Variants in GRID2 observed in about 807,000 individuals in gnomAD.
GRID2 encodes the protein glutamate receptor ionotropic, delta-2.
A neutral mutation model predicts 114.8 loss-of-function variants in GRID2; 33 were observed. The ratio of observed to expected loss-of-function variants is 0.29; its 90% confidence interval spans 0.22 to 0.38. The LOEUF is 0.38. Among genes scored for constraint, GRID2 ranks in the 10% least tolerant of loss-of-function variants. GRID2 has a pLI of 1.00. For synonymous variants in GRID2, 505 were observed against 449.9 expected (o/e 1.12, Z -1.55); for missense variants, 1,184 against 1,257.7 (o/e 0.94, Z 0.89).
At chr4:92,420,554 T>C (rs913083440) in intron 1 of GRID2, among the ~76,000 whole-genome samples, 1 of 152,132 alleles carries the variant, frequency 6.6e-6, no homozygotes, top group Non-Finnish European at 1.5e-5. Context: ...TGATTTGTCT[T>C]CTCCTAATTT....
At chr4:92,341,721 G>A (rs1727498399) in intron 1 of GRID2, among the ~76,000 whole-genome samples, 1 of 151,982 alleles carries the variant, frequency 6.6e-6, no homozygotes, top group Non-Finnish European at 1.5e-5. Flanking sequence ...GACCATCCTG[G>A]CTAACGCACG....
intron 10 of GRID2, among the ~76,000 whole-genome samples, chr4:93,425,181 A>G (rs1211528138): frequency 2.0e-5 from 3 of 152,048 alleles, no homozygotes; most frequent in Non-Finnish European, 4.4e-5. Context: ...GGTTCCTCAC[A>G]TTTCTGGTTA....
chr4:93,366,362 C>T (rs1230790193), intron 8 of GRID2, among the ~76,000 whole-genome samples: 1 of 152,030 alleles, frequency 6.6e-6, no homozygotes. Flanking sequence ...GTCGAGACTG[C>T]AGAGGTGAGA....
chr4:92,816,261 G>A (rs1383982700), intron 2 of GRID2, among the ~76,000 whole-genome samples: 2 of 143,364 alleles, frequency 1.4e-5, no homozygotes, highest in East Asian at 4.2e-4. Context: ...TATGTGGTGA[G>A]CTGAAATCGC....
At chr4:92,759,674 G>C (rs1295138488) in intron 2 of GRID2, among the ~76,000 whole-genome samples, 1 of 151,916 alleles carries the variant, frequency 6.6e-6, no homozygotes, top group African/African-American at 2.4e-5. Flanking sequence ...GCGTGATCTT[G>C]GCTCACTGCA....
intron 2 of GRID2, among the ~76,000 whole-genome samples, chr4:92,595,680 T>G (rs941929039): frequency 5.9e-5 from 9 of 152,120 alleles, no homozygotes; most frequent in Non-Finnish European, 1.2e-4. Context: ...CATTCATTTT[T>G]GGTTTATGTT....
At chr4:92,805,797 A>G (rs773113107) in intron 2 of GRID2, among the ~76,000 whole-genome samples, 54 of 151,938 alleles carry the variant, frequency 3.6e-4, no homozygotes, top group Non-Finnish European at 6.8e-4. Flanking sequence ...ACTCTCTCTT[A>G]AAAGAAAGAA....
chr4:93,112,916 C>T (rs547187364), intron 4 of GRID2, among the ~76,000 whole-genome samples: 15 of 152,258 alleles, frequency 9.9e-5, no homozygotes, highest in African/African-American at 3.6e-4. Flanking sequence ...GATGAGGGTT[C>T]ACCCTAATGA....
chr4:93,486,254 G>A (rs866376498), intron 11 of GRID2, among the ~76,000 whole-genome samples: 30 of 151,418 alleles, frequency 2.0e-4, no homozygotes, highest in African/African-American at 5.8e-4. Context: ...TTTATCCTTT[G>A]TTCTCTTAGA....
At chr4:92,327,193 G>A (rs1042113867) in intron 1 of GRID2, among the ~76,000 whole-genome samples, 2 of 151,990 alleles carry the variant, frequency 1.3e-5, no homozygotes, top group Non-Finnish European at 2.9e-5. Context: ...CACAATGTCA[G>A]TGATTACTCT....
intron 4 of GRID2, among the ~76,000 whole-genome samples, chr4:93,184,676 G>T (rs536416385): frequency 6.6e-6 from 1 of 152,220 alleles, no homozygotes; most frequent in South Asian, 2.1e-4. Context: ...GAGGTCAGGA[G>T]TTCGAGACCA....
intron 4 of GRID2, among the ~76,000 whole-genome samples, chr4:93,193,185 T>C (rs1741153897): frequency 1.3e-5 from 2 of 152,158 alleles, no homozygotes; most frequent in African/African-American, 4.8e-5. Flanking sequence ...TTAATGACTG[T>C]TTCTGTAGAG....
intron 8 of GRID2, among the ~76,000 whole-genome samples, chr4:93,274,890 T>TA (rs1751878782): frequency 6.6e-6 from 1 of 152,054 alleles, no homozygotes; most frequent in Non-Finnish European, 1.5e-5. Flanking sequence ...TTCATATATT[T>TA]AAAAATATAA....
chr4:93,021,808 A>C (rs982491953), intron 2 of GRID2, among the ~76,000 whole-genome samples: 2 of 146,228 alleles, frequency 1.4e-5, no homozygotes, highest in Non-Finnish European at 3.0e-5. Flanking sequence ...TTTTATAATA[A>C]ATTTTAATAT....
At chr4:93,448,828 T>G (rs1333484425) in intron 10 of GRID2, among the ~76,000 whole-genome samples, 1 of 9,548 alleles carries the variant, frequency 1.0e-4, no homozygotes, top group African/African-American at 4.9e-4. Context: ...TCCCTTCCCT[T>G]CCCTTCCCTT....
At chr4:93,343,168 G>GTA (rs1759839147) in intron 8 of GRID2, among the ~76,000 whole-genome samples, 2 of 20,664 alleles carry the variant, frequency 9.7e-5, no homozygotes, top group African/African-American at 4.9e-4. Context: ...GTGTGTGTGT[G>GTA]TGTGTGTGTG....
chr4:93,799,466 AT>A (rs1293963242), intron 1 of GRID2, among the ~76,000 whole-genome samples: 3 of 151,884 alleles, frequency 2.0e-5, no homozygotes, highest in Non-Finnish European at 4.4e-5. Flanking sequence ...AAATCTTTAG[AT>A]TATATCTACA....
rs1016698201 is a variant in GRID2 at position 92,440,763 on chromosome 4, T to C, written c.88+136019T>C. 3.8e-4 allele frequency among the ~76,000 whole-genome samples: 57 copies of C among 151,524 alleles called. 1 individual carries two copies. Among genetic ancestry groups the C allele is most frequent in the African/African-American group, 1.3e-3 (52 of 41,290 alleles). ...GGTGAGGAACAGGAAAGAAGGAAAT[T>C]TGGGGAAATGGGGTGAATGTCAGGT... On this transcript the variant is annotated intron_variant, in intron 1 of 15. Transcript: ENST00000282020.
chr4:93,688,220 T>A (rs996896116), intron 14 of GRID2, among the ~76,000 whole-genome samples: 1 of 151,904 alleles, frequency 6.6e-6, no homozygotes, highest in Non-Finnish European at 1.5e-5. Flanking sequence ...CAGTATTTTT[T>A]TTTCTTTCTC....
Sources: gnomAD v4.1 joint callset for allele counts (sites outside exome capture counted in the v4.1 genomes callset) on GRCh38, gnomAD v4.1.1 for gene constraint, MANE v1.5 for transcripts, NCBI Gene and HGNC (gene_info 2026-07-23, HGNC 2026-07-21) for gene names.